RXFP2: variants seen among roughly 807,000 people sequenced by gnomAD.
RXFP2 encodes the protein relaxin receptor 2.
A neutral mutation model predicts 88.6 loss-of-function variants in RXFP2; 68 were observed. That is an observed-to-expected ratio of 0.77 (90% CI 0.63 to 0.94). RXFP2 has a LOEUF of 0.94. RXFP2 is among the 40% of genes least tolerant of loss of function. The pLI, the probability that RXFP2 is intolerant of heterozygous loss-of-function variation, is 0.00. For synonymous variants in RXFP2, 329 were observed against 306.8 expected (o/e 1.07, Z -0.76); for missense variants, 791 against 893.9 (o/e 0.88, Z 1.47).
At chr13:31,780,646 T>A (rs1873223160) in intron 9 of RXFP2, among the ~76,000 whole-genome samples, 1 of 152,166 alleles carries the variant, frequency 6.6e-6, no homozygotes, top group Non-Finnish European at 1.5e-5. Context: ...AAGCTGACTA[T>A]GAAAAGGAAT....
intron 1 of RXFP2, among the ~76,000 whole-genome samples, chr13:31,750,773 G>A (rs1871632426): frequency 6.6e-6 from 1 of 152,230 alleles, no homozygotes; most frequent in African/African-American, 2.4e-5. Context: ...CTGGTGAGAA[G>A]AATGTCAGCG....
chr13:31,767,057 T>C (rs1872577587), intron 5 of RXFP2, among the ~76,000 whole-genome samples: 1 of 152,144 alleles, frequency 6.6e-6, no homozygotes, highest in African/African-American at 2.4e-5. Flanking sequence ...AGGAGAAAAG[T>C]TTCTAGAAAT....
chr13:31,762,555 T>C (rs898602484), intron 3 of RXFP2, among the ~76,000 whole-genome samples: 1 of 152,164 alleles, frequency 6.6e-6, no homozygotes, highest in Non-Finnish European at 1.5e-5. Flanking sequence ...TAGATAGAAT[T>C]TTTGGGGTGT....
chr13:31,744,872 C>A (rs569620720), intron 1 of RXFP2, among the ~76,000 whole-genome samples: 9 of 152,192 alleles, frequency 5.9e-5, no homozygotes, highest in African/African-American at 2.2e-4. Context: ...TTAAAATAGT[C>A]TTTAAAGCTC....
rs1231653259 is a variant in RXFP2, at chr13:31,746,763, A to AT, written c.94+7057_94+7058insT. Among the ~76,000 whole-genome samples the AT allele has an allele frequency of 3.4e-4, 30 of 88,546 alleles. No homozygotes were observed. The South Asian group carries it at 5.6e-3, about 17-fold the overall frequency. 58.1% of individuals were successfully genotyped at this position (88,546 alleles called of 152,430 possible). ...ATTCTGTTTCAACCCCACAGGCTAAAAAATAATATATCTATTGCTGTAGAT... is the reference window on the plus strand; with the variant it reads ...ATTCTGTTTCAACCCCACAGGCTAAATAAATAATATATCTATTGCTGTAGAT... On this transcript the variant is annotated intron_variant, in intron 1 of 17. Transcript: ENST00000298386.
At chr13:31,792,625 TA>T in intron 15 of RXFP2, 52 bp from the exon 16 acceptor site, 1 of 1,563,508 alleles carries the variant, frequency 6.4e-7, no homozygotes, top group Non-Finnish European at 8.8e-7. Flanking sequence ...ATCAGAAAAC[TA>T]AAACAGGGAC....
intron 3 of RXFP2, among the ~76,000 whole-genome samples, chr13:31,764,284 C>CACACACACACAT (rs762385260): frequency 1.3e-3 from 190 of 150,438 alleles, no homozygotes; most frequent in African/African-American, 3.2e-3. Flanking sequence ...CACACACACA[C>CACACACACACAT]ACACAGTGAC....
chr13:31,784,824 T>C (rs1054548806), intron 11 of RXFP2, among the ~76,000 whole-genome samples: 2 of 152,022 alleles, frequency 1.3e-5, no homozygotes, highest in Non-Finnish European at 2.9e-5. Flanking sequence ...CCTCCAACTT[T>C]CTCTTAATAC....
intron 5 of RXFP2, among the ~76,000 whole-genome samples, chr13:31,766,466 A>C (rs948576956): frequency 1.3e-5 from 2 of 152,224 alleles, no homozygotes; most frequent in African/African-American, 4.8e-5. Flanking sequence ...GGAGTTATGC[A>C]ACCAGTGATA....
At chr13:31,783,257 A>G (rs1219091826) in intron 11 of RXFP2, among the ~76,000 whole-genome samples, 2 of 152,226 alleles carry the variant, frequency 1.3e-5, no homozygotes, top group Non-Finnish European at 2.9e-5. Context: ...CAGAGAGCTC[A>G]TGTGAATTTT....
chr13:31,795,011 A>G (rs1400113972), intron 16 of RXFP2, among the ~76,000 whole-genome samples: 1 of 152,146 alleles, frequency 6.6e-6, no homozygotes, highest in African/African-American at 2.4e-5. Context: ...AGAATACATA[A>G]TTTTTAATTA....
intron 16 of RXFP2, among the ~76,000 whole-genome samples, chr13:31,795,723 A>AT (rs142733930): frequency 0.029 from 4,344 of 152,256 alleles, 75 homozygotes; most frequent in Non-Finnish European, 0.046. Flanking sequence ...TCAGATTCAT[A>AT]TTTTTTAACA....
In RXFP2 at chr13:31,744,421, A is replaced by G. The variant is rs182280743; in HGVS notation, c.94+4715A>G. Reference sequence around the variant, plus strand: ...CTTTGCCCCAGGTCAGTAGGAAACTATATAGTTCATAGCATGTGCATTAAC... The same window carrying G: ...CTTTGCCCCAGGTCAGTAGGAAACTGTATAGTTCATAGCATGTGCATTAAC... On this transcript the variant is annotated intron_variant, in intron 1 of 17. Transcript: ENST00000298386. Among the ~76,000 whole-genome samples the G allele has an allele frequency of 2.7e-3, 409 of 152,330 alleles. 2 individuals carry two copies. The highest frequency in any genetic ancestry group is 9.5e-3 in the African/African-American group (394 of 41,568).
At chr13:31,791,072 G>A (rs1016610932) in intron 14 of RXFP2, among the ~76,000 whole-genome samples, 3 of 152,208 alleles carry the variant, frequency 2.0e-5, no homozygotes, top group African/African-American at 4.8e-5. Context: ...AGTAGCAAAC[G>A]AATAAAAATA....
intron 1 of RXFP2, among the ~76,000 whole-genome samples, chr13:31,749,016 C>T (rs931098292): frequency 6.6e-6 from 1 of 151,920 alleles, no homozygotes; most frequent in African/African-American, 2.4e-5. Context: ...AATACAAGGA[C>T]GTTCTTAATT....
chr13:31,774,278 G>T (rs868700575), intron 5 of RXFP2, among the ~76,000 whole-genome samples: 4 of 152,342 alleles, frequency 2.6e-5, no homozygotes, highest in Admixed American at 6.5e-5. Context: ...AGCAGTGCGA[G>T]GCTGGCTAGT....
At chr13:31,772,670 G>A (rs1412010362) in intron 5 of RXFP2, among the ~76,000 whole-genome samples, 5 of 152,152 alleles carry the variant, frequency 3.3e-5, no homozygotes, top group Admixed American at 3.3e-4. Flanking sequence ...ACGTAGGAGG[G>A]ACTACAGTTC....
Position 31,765,037 on chromosome 13 carries a change from T to TG in RXFP2, c.320_321insG (p.Phe107LeufsTer10). Reference sequence around the variant, plus strand: ...AATCTTACTCTTTTTGTCCCATTAGTTCTAAAACAGTATCCACAATGCTGT... The same window carrying TG: ...AATCTTACTCTTTTTGTCCCATTAGTGTCTAAAACAGTATCCACAATGCTGT... On this transcript the variant is annotated frameshift_variant and splice_region_variant, in exon 4 of 18. Coordinates refer to ENST00000298386, the MANE Select transcript of RXFP2 (RefSeq NM_130806.5). LOFTEE classifies it high-confidence loss of function. 1 of 1,554,954 alleles carries TG rather than the reference T, an allele frequency of 6.4e-7. No individual in the cohort carries two copies. The highest frequency in any genetic ancestry group is 1.1e-5 in the South Asian group (1 of 89,910).
intron 10 of RXFP2, among the ~76,000 whole-genome samples, chr13:31,781,967 G>A (rs1213857329): frequency 1.3e-5 from 2 of 151,870 alleles, no homozygotes; most frequent in African/African-American, 2.4e-5. Flanking sequence ...CTTTATTTCC[G>A]TGCACCTTCT....
Sources: gnomAD v4.1 joint callset for allele counts (sites outside exome capture counted in the v4.1 genomes callset) on GRCh38, gnomAD v4.1.1 for gene constraint, MANE v1.5 for transcripts, NCBI Gene and HGNC (gene_info 2026-07-23, HGNC 2026-07-21) for gene names.